RARS2: variants seen among roughly 807,000 people sequenced by gnomAD.
The protein encoded by RARS2 is arginyl-tRNA synthetase 2, mitochondrial.
A neutral mutation model predicts 88.5 loss-of-function variants in RARS2; 67 were observed. That is an observed-to-expected ratio of 0.76 (90% CI 0.62 to 0.93). The LOEUF (loss-of-function observed/expected upper bound fraction) is 0.93, where lower values mean the gene tolerates loss of function less well. RARS2 is among the 40% of genes least tolerant of loss of function. The probability of loss-of-function intolerance (pLI) is 0.00; values close to 1 mark genes in which losing one functional copy is unlikely to be tolerated. For synonymous variants in RARS2, 239 were observed against 230.3 expected, an observed-to-expected ratio of 1.04 and a Z score of -0.34; for missense variants, 664 against 684.2, an observed-to-expected ratio of 0.97 and a Z score of 0.33.
At chr6:87,584,484 T>C (rs554088735) in intron 1 of RARS2, among the ~76,000 whole-genome samples, 12 of 152,326 alleles carry the variant, frequency 7.9e-5, no homozygotes, top group Non-Finnish European at 1.5e-4. Context: ...ATAGTAGTTA[T>C]TATAATCTTC....
chr6:87,556,902 T>G (rs1786120556), intron 4 of RARS2, among the ~76,000 whole-genome samples: 1 of 151,772 alleles, frequency 6.6e-6, no homozygotes, highest in Non-Finnish European at 1.5e-5. Flanking sequence ...TCCTGACACC[T>G]TAGCCTCCTA....
At chr6:87,514,553 A>G (rs1770905249) in intron 19 of RARS2, 54 bp from the exon 20 acceptor site, 8 of 1,388,964 alleles carry the variant, frequency 5.8e-6, no homozygotes, top group Middle Eastern at 1.8e-4. Context: ...GAATGTATTC[A>G]ATACATGAGA....
intron 1 of RARS2, among the ~76,000 whole-genome samples, chr6:87,576,474 C>T (rs1356197227): frequency 8.8e-6 from 1 of 113,474 alleles, no homozygotes; most frequent in Non-Finnish European, 1.9e-5. Flanking sequence ...GACGGGGTTT[C>T]ACCGTGTTAG....
chr6:87,535,223 CG>C (rs1562116655), intron 8 of RARS2, among the ~76,000 whole-genome samples: 1 of 152,122 alleles, frequency 6.6e-6, no homozygotes, highest in Non-Finnish European at 1.5e-5. Context: ...AAATCTTGAA[CG>C]CAATTTTTCA....
chr6:87,530,241 T>A (rs1341834176), intron 9 of RARS2, among the ~76,000 whole-genome samples: 1 of 152,208 alleles, frequency 6.6e-6, no homozygotes, highest in African/African-American at 2.4e-5. Context: ...TCTTGCTTAC[T>A]TACTCCAGTC....
chr6:87,584,917 C>CT (rs1212445187), intron 1 of RARS2, among the ~76,000 whole-genome samples: 2 of 152,132 alleles, frequency 1.3e-5, no homozygotes, highest in Non-Finnish European at 2.9e-5. Flanking sequence ...ATCAAGAATG[C>CT]TATGTCATAG....
intron 13 of RARS2, among the ~76,000 whole-genome samples, 163 bp downstream of exon 13, chr6:87,520,017 G>T (rs892636388): frequency 6.6e-6 from 1 of 152,040 alleles, no homozygotes; most frequent in Non-Finnish European, 1.5e-5. Flanking sequence ...TTTATAAGGT[G>T]GAAATTATTA....
At position 87,583,252 on chromosome 6, in the gene RARS2, A is replaced by G. The variant is rs575819190; in HGVS notation, c.36+6670T>C. 2.7e-4 allele frequency among the ~76,000 whole-genome samples: 41 copies of G among 152,354 alleles called. No homozygotes were observed. The South Asian group carries it at 8.5e-3, about 32-fold the overall frequency. On this transcript the variant is annotated intron_variant, in intron 1 of 19. Coordinates refer to ENST00000369536, the MANE Select transcript of RARS2 (RefSeq NM_020320.5). ...GTTGGTACTATTATCACAACTTTTTATAAGTCTGAAATTATTTCAAAATTA... is the reference window on the plus strand; with the variant it reads ...GTTGGTACTATTATCACAACTTTTTGTAAGTCTGAAATTATTTCAAAATTA...
At chr6:87,556,810 T>A (rs867655236) in intron 4 of RARS2, among the ~76,000 whole-genome samples, 1,181 of 54,342 alleles carry the variant, frequency 0.022, 15 homozygotes, top group African/African-American at 0.075. Context: ...AAAAAAAAAA[T>A]TTTTTTTTTT....
In RARS2 at chr6:87,541,961, T is replaced by C. The variant is rs894439979; in HGVS notation, c.569A>G (p.Tyr190Cys). ...LLGTGFQLFG[Y>C]EEKLQSNPLQ... ...AGGATTGGACTGCAGTTTTTCCTCA[T>C]AGCCAAACAGCTGGAAGCCAGTTCC... Residue 190 changes from tyrosine (Y) to cysteine (C), a missense_variant, in exon 8 of 20, where the codon TAT becomes TGT. Tyr to Cys is a radical substitution (Grantham distance 194). Coordinates refer to ENST00000369536, the MANE Select transcript of RARS2 (RefSeq NM_020320.5). The C allele has an allele frequency of 2.5e-6, 4 of 1,613,750 alleles. No homozygotes were observed. The highest frequency in any genetic ancestry group is 1.7e-5 in the Admixed American group (1 of 60,020).
At position 87,562,765 on chromosome 6, in the gene RARS2, C is replaced by A. The variant is rs770754007; in HGVS notation, c.234G>T (p.Val78=). 6.2e-7 allele frequency: 1 copy of A among 1,613,462 alleles called. No homozygotes were observed. Among genetic ancestry groups the A allele is most frequent in the East Asian group, 2.2e-5 (1 of 44,864 alleles). ...TCCTTTGACCAGTACTGATTTCACT[C>A]ACCACTGTATCACATCTTAGCTGAA... ...LAEKLRCDTV[V]SEISTGQRTV... Residue 78 remains valine, a synonymous_variant, in exon 4 of 20, where the codon GTG becomes GTT. Transcript: ENST00000369536.
intron 6 of RARS2, among the ~76,000 whole-genome samples, chr6:87,546,134 A>G (rs370801197): frequency 1.3e-5 from 2 of 152,162 alleles, no homozygotes; most frequent in East Asian, 3.8e-4. Flanking sequence ...TTAATCACTA[A>G]CATCTACCCT....
chr6:87,523,950 G>A (rs1774829626), intron 11 of RARS2, among the ~76,000 whole-genome samples: 1 of 152,134 alleles, frequency 6.6e-6, no homozygotes, highest in South Asian at 2.1e-4. Flanking sequence ...AGTAATAGAA[G>A]GTAAGAGATG....
At chr6:87,545,865 G>A (rs1409988973) in intron 6 of RARS2, among the ~76,000 whole-genome samples, 166 bp from the exon 7 acceptor site, 1 of 152,054 alleles carries the variant, frequency 6.6e-6, no homozygotes, top group Non-Finnish European at 1.5e-5. Flanking sequence ...CATGTGTTAT[G>A]GAAAGGGAGT....
In RARS2 at chr6:87,520,197, T is replaced by A. The variant is rs777543421; in HGVS notation, c.1095A>T (p.Gly365=). The A allele has an allele frequency of 1.2e-6, 2 of 1,613,454 alleles. No individual in the cohort carries two copies. The highest frequency in any genetic ancestry group is 1.7e-6 in the Non-Finnish European group (2 of 1,179,642). Residue 365 remains glycine, a synonymous_variant, in exon 13 of 20, where the codon GGA becomes GGT. Coordinates refer to ENST00000369536, the MANE Select transcript of RARS2 (RefSeq NM_020320.5). ...QQVFQMLKIM[G]YDWAERCQHV... ...GACATTACCTTTCTGCCCAGTCATATCCCATGATCTTCAGCATTTGGAATA... is the reference window on the plus strand; with the variant it reads ...GACATTACCTTTCTGCCCAGTCATAACCCATGATCTTCAGCATTTGGAATA...
intron 1 of RARS2, among the ~76,000 whole-genome samples, chr6:87,580,486 C>G (rs1414573102): frequency 6.6e-6 from 1 of 151,476 alleles, no homozygotes; most frequent in Non-Finnish European, 1.5e-5. Flanking sequence ...AAGCAAGAAG[C>G]ACTTCTTGCC....
At chr6:87,584,849 G>A (rs1774664492) in intron 1 of RARS2, 2 of 307,178 alleles carry the variant, frequency 6.5e-6, no homozygotes, top group Non-Finnish European at 1.3e-5. Flanking sequence ...CATAGAGAAG[G>A]GGTAACCATG....
chr6:87,517,016 C>G (rs959315675), intron 17 of RARS2, 136 bp from the exon 18 acceptor site: 1 of 1,331,302 alleles, frequency 7.5e-7, no homozygotes, highest in South Asian at 1.2e-5. Flanking sequence ...CAGTGTCTCA[C>G]GTCTGTAATC....
At chr6:87,579,755 T>C (rs1412284144) in intron 1 of RARS2, among the ~76,000 whole-genome samples, 1 of 117,332 alleles carries the variant, frequency 8.5e-6, no homozygotes, top group East Asian at 2.7e-4. Flanking sequence ...TGAGACAGAG[T>C]CTCGCTCTGT....
Sources: allele counts gnomAD v4.1 joint callset (sites outside exome capture counted in the v4.1 genomes callset), GRCh38; gene constraint gnomAD v4.1.1; transcripts MANE v1.5; gene names NCBI Gene and HGNC (gene_info 2026-07-23, HGNC 2026-07-21).